Variants in MYO18B observed in about 807,000 individuals in gnomAD.
MYO18B encodes myosin XVIIIB.
A neutral mutation model predicts 273.0 loss-of-function variants in MYO18B; 204 were observed. That is an observed-to-expected ratio of 0.75 (90% CI 0.67 to 0.84). MYO18B has a LOEUF of 0.84. Among genes scored for constraint, MYO18B ranks in the 40% least tolerant of loss-of-function variants. The pLI is 0.00. For synonymous variants in MYO18B, 1,330 were observed against 1,305.7 expected, an observed-to-expected ratio of 1.02 and a Z score of -0.40; for missense variants, 3,212 against 3,287.6, an observed-to-expected ratio of 0.98 and a Z score of 0.56.
chr22:25,788,769 G>A (rs1297435739), intron 11 of MYO18B, among the ~76,000 whole-genome samples: 1 of 152,048 alleles, frequency 6.6e-6, no homozygotes, highest in African/African-American at 2.4e-5. Flanking sequence ...TTCTGCTTCT[G>A]TTTCATCTGT....
At chr22:25,868,414 C>A (rs368067665) in intron 22 of MYO18B, 29 bp downstream of exon 22, 3 of 1,560,238 alleles carry the variant, frequency 1.9e-6, no homozygotes, top group Middle Eastern at 1.7e-4. Context: ...TTACAACATT[C>A]GCCCATCACA....
At chr22:25,831,387 A>T (rs909323602) in intron 15 of MYO18B, among the ~76,000 whole-genome samples, 7 of 152,048 alleles carry the variant, frequency 4.6e-5, no homozygotes, top group Admixed American at 1.3e-4. Flanking sequence ...ATTTTTTAAA[A>T]TTTTTTGTTT....
chr22:25,826,131 A>T lies in MYO18B; in HGVS notation c.2696-278A>T, dbSNP rs559134591. Among the ~76,000 whole-genome samples the T allele has an allele frequency of 3.0e-4, 46 of 152,320 alleles. 2 individuals are homozygous for T. In the South Asian group the frequency reaches 9.1e-3, roughly 30 times the overall value. On this transcript the variant is annotated intron_variant, in intron 13 of 43. Coordinates refer to ENST00000335473, the MANE Select transcript of MYO18B (RefSeq NM_032608.7). Reference sequence around the variant, plus strand: ...CTAGTGGTGGTGATGGTGGTAGTCAAGGAAGGCTTTCCTGAGGAGGTGTCA... The same window carrying T: ...CTAGTGGTGGTGATGGTGGTAGTCATGGAAGGCTTTCCTGAGGAGGTGTCA...
At chr22:25,955,444 ATGGGAGACTCATAGGTT>A (rs1163237921) in intron 39 of MYO18B, 80 bp downstream of exon 39, 2 of 1,436,614 alleles carry the variant, frequency 1.4e-6, no homozygotes, top group Non-Finnish European at 1.9e-6. Flanking sequence ...AGACTTCTGA[ATGGGAGACTCATAGGTT>A]TGGGTCCTGG....
intron 42 of MYO18B, among the ~76,000 whole-genome samples, chr22:26,012,851 A>G (rs760980984): frequency 6.6e-6 from 1 of 152,210 alleles, no homozygotes; most frequent in Non-Finnish European, 1.5e-5. Flanking sequence ...ATATATATAC[A>G]GGAAAGTGGA....
intron 37 of MYO18B, among the ~76,000 whole-genome samples, chr22:25,951,370 G>C (rs772994096): frequency 1.3e-5 from 2 of 152,164 alleles, no homozygotes; most frequent in Admixed American, 6.5e-5. Flanking sequence ...TTCCAGTTGT[G>C]TGCGAGGTGA....
chr22:25,766,291 T>G (rs2086503181), intron 3 of MYO18B, among the ~76,000 whole-genome samples: 1 of 152,070 alleles, frequency 6.6e-6, no homozygotes, highest in African/African-American at 2.4e-5. Context: ...CAGTTGTTCC[T>G]TCGGAGGATT....
intron 28 of MYO18B, 146 bp downstream of exon 28, chr22:25,895,426 AT>A: frequency 1.1e-6 from 1 of 892,088 alleles, no homozygotes; most frequent in Non-Finnish European, 1.7e-6. Flanking sequence ...CTCCACTATT[AT>A]TACAAATGCT....
At chr22:26,048,466 C>T in the MYO18B span, among the ~76,000 whole-genome samples, 86 of 151,936 alleles carry the variant, frequency 5.7e-4, no homozygotes, top group African/African-American at 1.8e-3. Flanking sequence ...TTCTGAGGAA[C>T]GGGGGTGGGG....
intron 25 of MYO18B, among the ~76,000 whole-genome samples, chr22:25,885,584 G>C (rs2091473323): frequency 1.3e-5 from 2 of 152,120 alleles, no homozygotes; most frequent in Admixed American, 6.5e-5. Context: ...GGGGGTTGAG[G>C]GGTTGCCTAT....
intron 1 of MYO18B, among the ~76,000 whole-genome samples, chr22:25,745,828 G>C (rs959070855): frequency 1.3e-5 from 2 of 152,192 alleles, no homozygotes; most frequent in Admixed American, 6.5e-5. Context: ...TTGGGTACCA[G>C]CTGGGGTTTG....
intron 39 of MYO18B, among the ~76,000 whole-genome samples, chr22:25,967,434 A>G (rs1442942877): frequency 1.3e-5 from 2 of 152,342 alleles, no homozygotes; most frequent in Middle Eastern, 3.4e-3. Context: ...CAAATCAGAC[A>G]CTTCATGTTT....
chr22:25,899,786 C>T (rs2091892415), intron 29 of MYO18B: 1 of 152,376 alleles, frequency 6.6e-6, no homozygotes, highest in Non-Finnish European at 1.5e-5. Context: ...ATAACACCAC[C>T]TCTCTGGGCC....
chr22:26,048,452 G>T, the MYO18B span, among the ~76,000 whole-genome samples: 1 of 152,038 alleles, frequency 6.6e-6, no homozygotes, highest in Admixed American at 6.6e-5. Context: ...AGACCTCTGG[G>T]GAATTCTGAG....
the MYO18B span, among the ~76,000 whole-genome samples, chr22:26,038,425 A>G: frequency 1.3e-5 from 2 of 150,310 alleles, no homozygotes; most frequent in African/African-American, 2.5e-5. Flanking sequence ...CCATCTCATG[A>G]GCCTTCTCAG....
intron 42 of MYO18B, among the ~76,000 whole-genome samples, chr22:26,005,836 T>C (rs1363579015): frequency 6.6e-6 from 1 of 152,220 alleles, no homozygotes; most frequent in Non-Finnish European, 1.5e-5. Context: ...CTTTTGGGCA[T>C]ATTTGGCAAA....
At chr22:25,955,472 G>A (rs2092839564) in intron 39 of MYO18B, 108 bp downstream of exon 39, 1 of 1,186,106 alleles carries the variant, frequency 8.4e-7, no homozygotes, top group Non-Finnish European at 1.1e-6. Flanking sequence ...TGGGTCCTGG[G>A]CCTCAGGGGT....
chr22:25,936,893 T>C (rs2092585401), intron 34 of MYO18B, among the ~76,000 whole-genome samples: 1 of 152,036 alleles, frequency 6.6e-6, no homozygotes, highest in African/African-American at 2.4e-5. Context: ...CTAAACCTTA[T>C]TACCTCCCCA....
chr22:25,924,491 TA>T (rs756608737), intron 34 of MYO18B, among the ~76,000 whole-genome samples: 3 of 152,146 alleles, frequency 2.0e-5, no homozygotes, highest in Non-Finnish European at 4.4e-5. Context: ...ATGATACGAA[TA>T]AATAGAATCA....
Sources: gnomAD v4.1 joint callset for allele counts (sites outside exome capture counted in the v4.1 genomes callset) on GRCh38, gnomAD v4.1.1 for gene constraint, MANE v1.5 for transcripts, NCBI Gene and HGNC (gene_info 2026-07-23, HGNC 2026-07-21) for gene names.